The following UGT3A1 variants were observed in gnomAD, a reference collection of about 807,000 sequenced individuals.
The protein encoded by UGT3A1 is UDP glycosyltransferase family 3 member A1, also known as UDP-glycosyltransferase 3A1.
A neutral mutation model predicts 37.6 loss-of-function variants in UGT3A1; 40 were observed. That is an observed-to-expected ratio of 1.06 (90% CI 0.83 to 1.38). The LOEUF is 1.38. UGT3A1 is among the 40% of genes most tolerant of loss of function. UGT3A1 has a pLI of 0.00. For synonymous variants in UGT3A1, 256 were observed against 232.3 expected (o/e 1.10, Z -0.93); for missense variants, 642 against 634.2 (o/e 1.01, Z -0.13).
chr5:35,960,575 G>A (rs1270005680), intron 4 of UGT3A1, among the ~76,000 whole-genome samples: 2 of 152,240 alleles, frequency 1.3e-5, no homozygotes, highest in East Asian at 3.9e-4. Flanking sequence ...TGGCCCCACA[G>A]CAGTATATAA....
At chr5:35,967,879 T>TCA (rs963548627) in intron 3 of UGT3A1, 140 bp downstream of exon 3, 10 of 681,316 alleles carry the variant, frequency 1.5e-5, no homozygotes, top group African/African-American at 1.3e-4. Flanking sequence ...ATTCATCCAC[T>TCA]CACACATCAT....
chr5:35,974,269 G>A (rs1449351634), intron 2 of UGT3A1, among the ~76,000 whole-genome samples: 1 of 151,938 alleles, frequency 6.6e-6, no homozygotes, highest in Non-Finnish European at 1.5e-5. Context: ...TAATTCCAAG[G>A]GTCTAATTCC....
Position 35,957,316 on chromosome 5 carries a change from A to G in UGT3A1, c.947T>C (p.Met316Thr). 1 of 1,614,218 alleles carries G rather than the reference A, an allele frequency of 6.2e-7. No homozygotes were observed. The change falls in exon 5 of 7, where the codon ATG (methionine) becomes ACG (threonine). Residue 316 changes from methionine (M) to threonine (T), a missense_variant. Transcript: ENST00000274278. ...THQSQEVLKK[M>T]HNAFAHLPQG... Reference sequence around the variant, plus strand: ...AGGGAGGTGGGCAAAGGCATTGTGCATCTTCTTGAGGACTTCCTGGGACTG... The same window carrying G: ...AGGGAGGTGGGCAAAGGCATTGTGCGTCTTCTTGAGGACTTCCTGGGACTG...
intron 2 of UGT3A1, among the ~76,000 whole-genome samples, chr5:35,979,006 G>T (rs1561467923): frequency 1.3e-5 from 2 of 152,278 alleles, no homozygotes; most frequent in Middle Eastern, 6.8e-3. Context: ...GCTCCAAAAT[G>T]ATCTCCTTTG....
At chr5:35,957,122 C>T (rs770725756) in intron 5 of UGT3A1, 66 bp downstream of exon 5, 1 of 1,400,092 alleles carries the variant, frequency 7.1e-7, no homozygotes, top group Non-Finnish European at 1.0e-6. Context: ...AGCTAGAGGT[C>T]AGAACACTGA....
In UGT3A1 at chr5:35,951,788, C is replaced by T. The variant is rs1286502310; in HGVS notation, c.*2414G>A. 6.6e-6 allele frequency: 1 copy of T among 152,140 alleles called. No individual in the cohort carries two copies. Among genetic ancestry groups the T allele is most frequent in the Non-Finnish European group, 1.5e-5 (1 of 68,012 alleles). The allele number at this position is 152,140 out of a possible 1,614,324, so 9.4% of individuals were successfully genotyped here. A position where few individuals can be genotyped will look rare whatever the true frequency, so the allele number is the denominator to read the frequency against. Reference sequence around the variant, plus strand: ...CCTATACACAGGCTATGGAAAAATTCACTTTTTCTCTTAGACTCAGCATGG... The same window carrying T: ...CCTATACACAGGCTATGGAAAAATTTACTTTTTCTCTTAGACTCAGCATGG... On this transcript the variant is annotated 3_prime_UTR_variant, in exon 7 of 7. Transcript: ENST00000274278.
At chr5:35,987,633 A>G (rs371432197) in intron 2 of UGT3A1, among the ~76,000 whole-genome samples, 1 of 152,190 alleles carries the variant, frequency 6.6e-6, no homozygotes, top group Non-Finnish European at 1.5e-5. Flanking sequence ...CATTAAAACT[A>G]TCTAAACATT....
intron 2 of UGT3A1, among the ~76,000 whole-genome samples, chr5:35,980,791 C>A (rs531657948): frequency 2.0e-5 from 3 of 152,254 alleles, no homozygotes; most frequent in African/African-American, 7.2e-5. Context: ...TTCCATAAAT[C>A]TTAACAATAT....
At chr5:35,982,122 T>C (rs1740548429) in intron 2 of UGT3A1, among the ~76,000 whole-genome samples, 1 of 152,232 alleles carries the variant, frequency 6.6e-6, no homozygotes, top group South Asian at 2.1e-4. Context: ...GAAAATGCCT[T>C]CATGTCCAGG....
At chr5:35,958,018 A>G (rs1028773430) in intron 4 of UGT3A1, among the ~76,000 whole-genome samples, 1 of 152,224 alleles carries the variant, frequency 6.6e-6, no homozygotes, top group Admixed American at 6.5e-5. Flanking sequence ...CCTCAATTCC[A>G]TCAATTATTG....
At chr5:35,979,634 G>C (rs1370314909) in intron 2 of UGT3A1, among the ~76,000 whole-genome samples, 1 of 152,078 alleles carries the variant, frequency 6.6e-6, no homozygotes, top group Non-Finnish European at 1.5e-5. Context: ...CTCCTTCTGA[G>C]CCCTCCAAAC....
intron 2 of UGT3A1, among the ~76,000 whole-genome samples, chr5:35,987,346 T>A (rs1242727937): frequency 6.6e-6 from 1 of 152,072 alleles, no homozygotes; most frequent in East Asian, 1.9e-4. Flanking sequence ...TGAAAGAAAC[T>A]CTAGAACACT....
chr5:35,991,417 C>T, upstream of UGT3A1: 1 of 1,450,958 alleles, frequency 6.9e-7, no homozygotes, highest in Non-Finnish European at 9.1e-7. Flanking sequence ...GCTGCCCCTC[C>T]TCCCTGGGTG....
chr5:35,992,087 G>C (rs866430410), upstream of UGT3A1, among the ~76,000 whole-genome samples: 1 of 152,142 alleles, frequency 6.6e-6, no homozygotes. Context: ...CTCAAACCAA[G>C]ACTTTCGGAA....
intron 2 of UGT3A1, among the ~76,000 whole-genome samples, chr5:35,977,650 G>A (rs1486263602): frequency 6.6e-6 from 1 of 152,188 alleles, no homozygotes; most frequent in Non-Finnish European, 1.5e-5. Context: ...GCAGATGCTG[G>A]TGCCATGCTT....
At chr5:35,998,974 C>T (rs576191176) in intron 1 of UGT3A1, among the ~76,000 whole-genome samples, 63 of 152,208 alleles carry the variant, frequency 4.1e-4, no homozygotes, top group African/African-American at 1.3e-3. Flanking sequence ...CGGTGGCTCA[C>T]GCCTGTAATC....
rs150072836 is a variant in UGT3A1, at chr5:35,975,731, C to T, written c.197-7598G>A. ...TTTATTATACTTTAAGTTTTAGGTACATGTGCACAACGTGCAGGTTTGTTG... is the reference window on the plus strand; with the variant it reads ...TTTATTATACTTTAAGTTTTAGGTATATGTGCACAACGTGCAGGTTTGTTG... On this transcript the variant is annotated intron_variant, in intron 2 of 6. Coordinates refer to ENST00000274278, the MANE Select transcript of UGT3A1 (RefSeq NM_152404.4). Among the ~76,000 whole-genome samples, 1,273 of 151,682 alleles carry T rather than the reference C, an allele frequency of 8.4e-3. 23 individuals are homozygous for T. Among genetic ancestry groups the T allele is most frequent in the African/African-American group, 0.03 (1,228 of 41,316 alleles).
intron 2 of UGT3A1, among the ~76,000 whole-genome samples, chr5:35,977,528 C>G (rs1281816414): frequency 6.6e-6 from 1 of 152,066 alleles, no homozygotes; most frequent in African/African-American, 2.4e-5. Context: ...TTTAAAAGAG[C>G]TTAGCACTTC....
intron 2 of UGT3A1, among the ~76,000 whole-genome samples, chr5:35,985,532 A>C (rs1740696516): frequency 6.6e-6 from 1 of 152,174 alleles, no homozygotes; most frequent in Non-Finnish European, 1.5e-5. Flanking sequence ...GGAACAGAAG[A>C]GCCCAGATAA....
Sources: allele counts gnomAD v4.1 joint callset (sites outside exome capture counted in the v4.1 genomes callset), GRCh38; gene constraint gnomAD v4.1.1; transcripts MANE v1.5; gene names NCBI Gene and HGNC (gene_info 2026-07-23, HGNC 2026-07-21).